The following SLC30A8 variants were observed in gnomAD, a reference collection of about 807,000 sequenced individuals.
SLC30A8 encodes proton-coupled zinc antiporter SLC30A8.
SLC30A8 carries 27 observed loss-of-function variants against 36.9 expected under a neutral mutation model. The ratio of observed to expected loss-of-function variants is 0.73; its 90% CI spans 0.54 to 1.01. SLC30A8 has a LOEUF of 1.01. SLC30A8 is among the 50% of genes least tolerant of loss of function. SLC30A8 has a pLI of 0.00. For missense variants in SLC30A8, 439 were observed against 452.0 expected (o/e 0.97, Z 0.26); for synonymous variants, 164 against 172.4 (o/e 0.95, Z 0.38).
intron 2 of SLC30A8, among the ~76,000 whole-genome samples, chr8:117,121,231 G>C (rs1036955608): frequency 6.6e-6 from 1 of 151,850 alleles, no homozygotes; most frequent in Non-Finnish European, 1.5e-5. Context: ...CCAAGATGTG[G>C]AAGTAGCCTA....
chr8:116,982,664 A>G (rs1261040134), intron 1 of SLC30A8, among the ~76,000 whole-genome samples: 1 of 152,182 alleles, frequency 6.6e-6, no homozygotes, highest in African/African-American at 2.4e-5. Context: ...TTTCCCTATC[A>G]GTCCAGAACA....
chr8:117,100,714 A>AGCT (rs1819676541), intron 2 of SLC30A8, among the ~76,000 whole-genome samples: 1 of 152,212 alleles, frequency 6.6e-6, no homozygotes, highest in Non-Finnish European at 1.5e-5. Flanking sequence ...GATCTGAAAT[A>AGCT]GCTAGTTGCC....
At chr8:117,151,446 G>C (rs1822185658) in intron 2 of SLC30A8, among the ~76,000 whole-genome samples, 4 of 152,222 alleles carry the variant, frequency 2.6e-5, no homozygotes. Context: ...ACTACCTCTT[G>C]CAAGCAGTTT....
intron 1 of SLC30A8, among the ~76,000 whole-genome samples, chr8:116,963,297 G>A (rs1350657586): frequency 6.6e-6 from 1 of 152,004 alleles, no homozygotes; most frequent in Non-Finnish European, 1.5e-5. Context: ...AATAAAAGCT[G>A]TGGTAGAATA....
At chr8:117,005,951 G>A (rs1389307026) in intron 1 of SLC30A8, among the ~76,000 whole-genome samples, 1 of 152,200 alleles carries the variant, frequency 6.6e-6, no homozygotes, top group African/African-American at 2.4e-5. Flanking sequence ...AGTATTATTA[G>A]TTGTAACTTA....
At chr8:117,119,611 T>G (rs927290144) in intron 2 of SLC30A8, among the ~76,000 whole-genome samples, 1 of 151,974 alleles carries the variant, frequency 6.6e-6, no homozygotes, top group Non-Finnish European at 1.5e-5. Flanking sequence ...TCTGTGTGTA[T>G]GCATAATCAT....
intron 1 of SLC30A8, among the ~76,000 whole-genome samples, chr8:116,977,293 C>G (rs1338208870): frequency 6.7e-6 from 1 of 148,280 alleles, no homozygotes. Flanking sequence ...GGACTACAGG[C>G]GCCCGCCACC....
At chr8:117,083,059 A>T (rs1818728019) in intron 2 of SLC30A8, among the ~76,000 whole-genome samples, 1 of 152,194 alleles carries the variant, frequency 6.6e-6, no homozygotes, top group Non-Finnish European at 1.5e-5. Flanking sequence ...TCTCTTCTCC[A>T]TTGTGGCAGA....
chr8:117,168,707 A>G (rs2129742993), intron 6 of SLC30A8, among the ~76,000 whole-genome samples: 1 of 152,322 alleles, frequency 6.6e-6, no homozygotes, highest in Admixed American at 6.5e-5. Context: ...AATGATAGCA[A>G]GTCTTCAAAT....
intron 1 of SLC30A8, among the ~76,000 whole-genome samples, chr8:116,957,134 A>G (rs1769573674): frequency 6.6e-6 from 1 of 152,224 alleles, no homozygotes; most frequent in Admixed American, 6.5e-5. Context: ...CTTTACTTAT[A>G]AAATCATCCT....
chr8:117,165,625 T>C (rs972839708), intron 6 of SLC30A8, among the ~76,000 whole-genome samples: 5 of 152,140 alleles, frequency 3.3e-5, no homozygotes, highest in African/African-American at 9.7e-5. Flanking sequence ...GATGGCTGAC[T>C]AGAGATGCTG....
At chr8:116,989,543 A>C (rs1212478007) in intron 1 of SLC30A8, among the ~76,000 whole-genome samples, 2 of 152,072 alleles carry the variant, frequency 1.3e-5, no homozygotes, top group Non-Finnish European at 2.9e-5. Flanking sequence ...ATTCAAAATA[A>C]TTATTATTGT....
intron 7 of SLC30A8, among the ~76,000 whole-genome samples, chr8:117,171,509 ACTTAAT>A (rs1235548600): frequency 1.3e-5 from 2 of 152,048 alleles, no homozygotes; most frequent in Admixed American, 6.6e-5. Flanking sequence ...TGAATTAAAA[ACTTAAT>A]CTTAATTGAG....
chr8:117,144,147 C>T (rs1821789944), intron 1 of SLC30A8, among the ~76,000 whole-genome samples: 1 of 152,178 alleles, frequency 6.6e-6, no homozygotes, highest in South Asian at 2.1e-4. Flanking sequence ...CAAGTTAGTA[C>T]TCAGGTTCCT....
chr8:117,054,275 T>G (rs187955311), intron 2 of SLC30A8, among the ~76,000 whole-genome samples: 1 of 152,132 alleles, frequency 6.6e-6, no homozygotes, highest in Admixed American at 6.6e-5. Flanking sequence ...TTTTTAAATT[T>G]TTTTTTGTAG....
At chr8:117,162,242 A>G (rs1822829834) in intron 5 of SLC30A8, among the ~76,000 whole-genome samples, 1 of 152,216 alleles carries the variant, frequency 6.6e-6, no homozygotes, top group Non-Finnish European at 1.5e-5. Context: ...TCTGTCCCAG[A>G]CACCACACTG....
At chr8:117,105,501 A>T (rs1819954330) in intron 2 of SLC30A8, among the ~76,000 whole-genome samples, 1 of 152,156 alleles carries the variant, frequency 6.6e-6, no homozygotes, top group Non-Finnish European at 1.5e-5. Context: ...ATGAGTGTGT[A>T]TATTAACGAA....
intron 2 of SLC30A8, among the ~76,000 whole-genome samples, chr8:117,150,134 C>T (rs1039349768): frequency 1.5e-4 from 23 of 152,256 alleles, no homozygotes; most frequent in South Asian, 1.0e-3. Context: ...TATTTGAGGA[C>T]GTGTTGTTGT....
chr8:116,958,870 G>A (rs1268618933), intron 1 of SLC30A8, among the ~76,000 whole-genome samples: 2 of 4,226 alleles, frequency 4.7e-4, no homozygotes, highest in Non-Finnish European at 1.1e-3. Context: ...TTTTTTTTTT[G>A]AGGCAGAGTC....
Sources: allele counts gnomAD v4.1 joint callset (sites outside exome capture counted in the v4.1 genomes callset), GRCh38; gene constraint gnomAD v4.1.1; transcripts MANE v1.5; gene names NCBI Gene and HGNC (gene_info 2026-07-23, HGNC 2026-07-21).